IQCM: variants seen among roughly 807,000 people sequenced by gnomAD.
The protein encoded by IQCM is IQ motif containing M.
IQCM carries 45 observed loss-of-function variants against 57.6 expected under a neutral mutation model. The observed-to-expected ratio is 0.78, with a 90% CI of 0.62 to 1.00. The LOEUF is 1.00. IQCM is among the 50% of genes least tolerant of loss of function. The pLI is 0.00. For synonymous variants in IQCM, 148 were observed against 158.9 expected, an observed-to-expected ratio of 0.93 and a Z score of 0.51; for missense variants, 468 against 511.6, an observed-to-expected ratio of 0.91 and a Z score of 0.82.
intron 12 of IQCM, among the ~76,000 whole-genome samples, chr4:149,433,832 A>G (rs1735099055): frequency 6.6e-6 from 1 of 152,086 alleles, no homozygotes; most frequent in Non-Finnish European, 1.5e-5. Flanking sequence ...ATACCCAACG[A>G]ACAGCATTCA....
chr4:149,401,707 A>T (rs529175296), intron 13 of IQCM, among the ~76,000 whole-genome samples: 1 of 151,938 alleles, frequency 6.6e-6, no homozygotes, highest in South Asian at 2.1e-4. Context: ...GGTTAGGTAG[A>T]TATTTTGCTT....
chr4:149,670,940 C>CTTTT (rs57287015), intron 7 of IQCM, among the ~76,000 whole-genome samples: 2 of 143,366 alleles, frequency 1.4e-5, no homozygotes, highest in Non-Finnish European at 1.5e-5. Context: ...AAAATTCTCT[C>CTTTT]TTTTTTTTTT....
At position 149,772,354 on chromosome 4, in the gene IQCM, T is replaced by C. The variant is rs375887385; in HGVS notation, c.-48-29615A>G. 7.2e-5 allele frequency among the ~76,000 whole-genome samples: 11 copies of C among 152,190 alleles called. No individual in the cohort carries two copies. In the South Asian group the frequency reaches 2.3e-3, roughly 32 times the overall value. ...TTTGATAGAAAAATAAAGTACAAAA[T>C]GTGTATATAGTATAATCTCTACTCT... On this transcript the variant is annotated intron_variant, in intron 2 of 13. Coordinates refer to ENST00000636793, the MANE Select transcript of IQCM (RefSeq NM_001363507.2).
At chr4:149,685,198 A>C (rs1203267006) in intron 6 of IQCM, among the ~76,000 whole-genome samples, 1 of 151,512 alleles carries the variant, frequency 6.6e-6, no homozygotes, top group Non-Finnish European at 1.5e-5. Context: ...AAAGATACTG[A>C]AAATGATTTT....
intron 13 of IQCM, among the ~76,000 whole-genome samples, chr4:149,421,150 C>G (rs1017906015): frequency 2.0e-5 from 3 of 152,080 alleles, no homozygotes; most frequent in African/African-American, 7.2e-5. Context: ...TGTCCAGTTG[C>G]TCCATGATTC....
At chr4:149,604,993 T>C (rs1218101292) in intron 8 of IQCM, among the ~76,000 whole-genome samples, 1 of 152,196 alleles carries the variant, frequency 6.6e-6, no homozygotes, top group Admixed American at 6.5e-5. Flanking sequence ...ACTTGTGTGA[T>C]TTCACAATCA....
intron 13 of IQCM, among the ~76,000 whole-genome samples, chr4:149,357,640 G>T (rs1042520140): frequency 4.6e-5 from 7 of 152,136 alleles, no homozygotes; most frequent in African/African-American, 7.2e-5. Context: ...TGCTGGATAC[G>T]TTTTGCCAGT....
intron 13 of IQCM, among the ~76,000 whole-genome samples, chr4:149,429,285 C>G (rs1734658698): frequency 1.3e-5 from 2 of 151,864 alleles, no homozygotes; most frequent in Admixed American, 6.6e-5. Flanking sequence ...AAAAGACTAA[C>G]TTTCCAAAAT....
rs10005049 is a variant in IQCM at position 149,685,070 on chromosome 4, T to A, written c.476+1308A>T. Among the ~76,000 whole-genome samples the A allele has an allele frequency of 9.0e-3, 1,366 of 151,638 alleles. 28 individuals carry two copies. The highest frequency in any genetic ancestry group is 0.031 in the African/African-American group (1,307 of 41,494). On this transcript the variant is annotated intron_variant, in intron 6 of 13. Transcript: ENST00000636793. Reference sequence around the variant, plus strand: ...GAAGAAACAATTCTTCGGAAAATAGTCAACTCTCTTAAGAAAGACATTATA... The same window carrying A: ...GAAGAAACAATTCTTCGGAAAATAGACAACTCTCTTAAGAAAGACATTATA...
chr4:149,801,374 G>A (rs1773585765), intron 2 of IQCM, among the ~76,000 whole-genome samples: 2 of 151,920 alleles, frequency 1.3e-5, no homozygotes, highest in African/African-American at 2.4e-5. Context: ...ACATGATCCA[G>A]CAATCCCACT....
chr4:149,814,084 C>G (rs980192286), intron 2 of IQCM, among the ~76,000 whole-genome samples: 1 of 151,982 alleles, frequency 6.6e-6, no homozygotes, highest in Non-Finnish European at 1.5e-5. Flanking sequence ...AAACAGGAGA[C>G]TCTCTGGATA....
chr4:149,577,473 T>C (rs1039245528), intron 9 of IQCM, among the ~76,000 whole-genome samples: 14 of 152,192 alleles, frequency 9.2e-5, no homozygotes, highest in African/African-American at 2.6e-4. Flanking sequence ...CCCAGCACCA[T>C]TTAATGAATA....
At chr4:149,735,289 T>C (rs1766833238) in intron 4 of IQCM, 87 bp downstream of exon 4, 6 of 544,086 alleles carry the variant, frequency 1.1e-5, no homozygotes, top group African/African-American at 7.8e-5. Context: ...TTCTATCATA[T>C]CTTAGGGTTT....
At chr4:149,532,741 A>C (rs1035787219) in intron 12 of IQCM, among the ~76,000 whole-genome samples, 2 of 152,098 alleles carry the variant, frequency 1.3e-5, no homozygotes, top group Non-Finnish European at 2.9e-5. Context: ...TCCTTTCTAC[A>C]AACAAGGTTC....
chr4:149,446,119 G>A (rs1006216950), intron 12 of IQCM, among the ~76,000 whole-genome samples: 1 of 151,648 alleles, frequency 6.6e-6, no homozygotes, highest in Non-Finnish European at 1.5e-5. Flanking sequence ...GAATAAAACT[G>A]TCATGTTACT....
At chr4:149,661,402 A>G (rs1760197646) in intron 7 of IQCM, among the ~76,000 whole-genome samples, 1 of 152,118 alleles carries the variant, frequency 6.6e-6, no homozygotes, top group South Asian at 2.1e-4. Context: ...CGTCAAGGAT[A>G]TTGAATTGTA....
chr4:149,498,125 T>C (rs1742862433), intron 12 of IQCM, among the ~76,000 whole-genome samples: 1 of 152,150 alleles, frequency 6.6e-6, no homozygotes, highest in African/African-American at 2.4e-5. Context: ...GAATGTAAGA[T>C]AGAATGTCTG....
intron 7 of IQCM, among the ~76,000 whole-genome samples, chr4:149,667,626 C>T (rs1760854358): frequency 6.6e-6 from 1 of 151,996 alleles, no homozygotes; most frequent in Admixed American, 6.5e-5. Flanking sequence ...TAATAACAAA[C>T]TCCTTGGAGC....
intron 6 of IQCM, among the ~76,000 whole-genome samples, chr4:149,685,028 A>G (rs541011012): frequency 3.6e-4 from 54 of 151,588 alleles, no homozygotes; most frequent in South Asian, 1.0e-3. Context: ...AGGGACCTTT[A>G]TCTTCTACCA....
Sources: gnomAD v4.1 joint callset for allele counts (sites outside exome capture counted in the v4.1 genomes callset) on GRCh38, gnomAD v4.1.1 for gene constraint, MANE v1.5 for transcripts, NCBI Gene and HGNC (gene_info 2026-07-23, HGNC 2026-07-21) for gene names.